The following TAFA1 variants were observed in gnomAD, a reference collection of about 807,000 sequenced individuals.
The protein encoded by TAFA1 is TAFA chemokine like family member 1.
In TAFA1, 4 loss-of-function variants were observed where a neutral mutation model predicts 18.5. That is an observed-to-expected ratio of 0.22 (90% CI 0.11 to 0.49). The LOEUF (loss-of-function observed/expected upper bound fraction) is 0.49, where lower values mean the gene tolerates loss of function less well. Ranked by LOEUF, TAFA1 falls within the 20% of genes least tolerant of loss-of-function variation. The probability of loss-of-function intolerance (pLI) is 0.98; values close to 1 mark genes in which losing one functional copy is unlikely to be tolerated. For synonymous variants in TAFA1, 56 were observed against 55.2 expected, an observed-to-expected ratio of 1.01 and a Z score of -0.06; for missense variants, 147 against 169.0, an observed-to-expected ratio of 0.87 and a Z score of 0.72.
intron 2 of TAFA1, among the ~76,000 whole-genome samples, chr3:68,044,629 A>T (rs1384418268): frequency 6.6e-6 from 1 of 152,238 alleles, no homozygotes; most frequent in African/African-American, 2.4e-5. Flanking sequence ...TTACATTGAT[A>T]TATTGACATT....
At position 68,039,134 on chromosome 3, in the gene TAFA1, G is replaced by C. The variant is rs937243183; in HGVS notation, c.118+32390G>C. On this transcript the variant is annotated intron_variant, in intron 2 of 4. Coordinates refer to ENST00000478136, the MANE Select transcript of TAFA1 (RefSeq NM_213609.4). Reference sequence around the variant, plus strand: ...CAGCACTAGTTGATTGATGGCTACTGTTTTGTTTGTATTAATTGCATAGTT... The same window carrying C: ...CAGCACTAGTTGATTGATGGCTACTCTTTTGTTTGTATTAATTGCATAGTT... Among the ~76,000 whole-genome samples, 2 of 152,098 alleles carry C rather than the reference G, an allele frequency of 1.3e-5. 1 individual carries two copies. Among genetic ancestry groups the C allele is most frequent in the South Asian group, 4.1e-4 (2 of 4,828 alleles).
intron 2 of TAFA1, among the ~76,000 whole-genome samples, chr3:68,258,737 C>T (rs191194716): frequency 3.3e-5 from 5 of 152,290 alleles, no homozygotes; most frequent in South Asian, 2.1e-4. Flanking sequence ...TTACTGGGTA[C>T]TTGTTGGAGT....
intron 2 of TAFA1, among the ~76,000 whole-genome samples, chr3:68,220,838 A>G (rs1192471693): frequency 6.6e-6 from 1 of 152,044 alleles, no homozygotes; most frequent in Non-Finnish European, 1.5e-5. Context: ...TCTTGAGTAG[A>G]TCTCTTTCAG....
In TAFA1 at chr3:68,404,060, CTGTG is replaced by C. The variant is rs2070547032; in HGVS notation, c.119-13218_119-13215del. ...TCCCACACTCTTCCAAGTGCTTTCC[CTGTG>C]TTTACTCATTCATCCTCACAACAAC... On this transcript the variant is annotated intron_variant, in intron 2 of 4. Coordinates refer to ENST00000478136, the MANE Select transcript of TAFA1 (RefSeq NM_213609.4). Among the ~76,000 whole-genome samples the C allele has an allele frequency of 2.6e-5, 4 of 152,310 alleles. No individual in the cohort carries two copies. In the South Asian group the frequency reaches 8.3e-4, roughly 32 times the overall value.
At chr3:68,334,196 G>C (rs574901323) in intron 2 of TAFA1, among the ~76,000 whole-genome samples, 4 of 152,296 alleles carry the variant, frequency 2.6e-5, no homozygotes, top group African/African-American at 9.6e-5. Context: ...TAATCAGCTT[G>C]ATTGTGGTAA....
intron 3 of TAFA1, among the ~76,000 whole-genome samples, chr3:68,489,659 G>T (rs1204816886): frequency 1.1e-4 from 17 of 152,116 alleles, no homozygotes; most frequent in Admixed American, 1.0e-3. Flanking sequence ...CTACAAAAGC[G>T]ATGATAAGTA....
intron 2 of TAFA1, among the ~76,000 whole-genome samples, chr3:68,396,473 A>G (rs1156349396): frequency 6.6e-6 from 1 of 152,184 alleles, no homozygotes; most frequent in Non-Finnish European, 1.5e-5. Context: ...AGAACCTTTT[A>G]TTTAAATGGA....
intron 3 of TAFA1, among the ~76,000 whole-genome samples, chr3:68,537,939 T>C (rs983940350): frequency 2.0e-5 from 3 of 152,148 alleles, no homozygotes; most frequent in African/African-American, 7.2e-5. Flanking sequence ...CCTGGAGTTA[T>C]CACTCAAATT....
chr3:68,435,050 T>G (rs2106848171), intron 3 of TAFA1, among the ~76,000 whole-genome samples: 1 of 152,230 alleles, frequency 6.6e-6, no homozygotes, highest in Non-Finnish European at 1.5e-5. Context: ...GTGTGATGTG[T>G]GCTCTGATGG....
At chr3:67,993,913 G>A in the TAFA1 span, among the ~76,000 whole-genome samples, 21 of 152,108 alleles carry the variant, frequency 1.4e-4, no homozygotes, top group Middle Eastern at 3.4e-3. Context: ...TCAAGGGGAG[G>A]GGGGAGCACT....
intron 2 of TAFA1, among the ~76,000 whole-genome samples, chr3:68,359,147 T>A (rs1400255803): frequency 1.3e-5 from 2 of 152,042 alleles, no homozygotes; most frequent in Admixed American, 6.6e-5. Flanking sequence ...TTTCCTTTTT[T>A]ATTGTTCACA....
intron 2 of TAFA1, among the ~76,000 whole-genome samples, chr3:68,021,295 C>T (rs963492247): frequency 6.0e-5 from 9 of 149,696 alleles, no homozygotes; most frequent in Non-Finnish European, 1.2e-4. Context: ...ACCAATAACT[C>T]ATTAAAGGGA....
intron 2 of TAFA1, among the ~76,000 whole-genome samples, chr3:68,326,277 C>G (rs578254034): frequency 6.6e-6 from 1 of 152,238 alleles, no homozygotes; most frequent in East Asian, 1.9e-4. Flanking sequence ...TTCCTTGTGT[C>G]ACATATTTGA....
chr3:68,289,478 G>GT (rs11391905), intron 2 of TAFA1, among the ~76,000 whole-genome samples: 9,883 of 152,238 alleles, frequency 0.065, 512 homozygotes, highest in African/African-American at 0.14. Context: ...ATATTTTGGT[G>GT]TTAGTGTGAG....
At chr3:68,240,493 C>G (rs1274940805) in intron 2 of TAFA1, among the ~76,000 whole-genome samples, 3 of 152,100 alleles carry the variant, frequency 2.0e-5, no homozygotes, top group African/African-American at 7.2e-5. Flanking sequence ...ATAGCATAAC[C>G]CTTCCTTTTT....
chr3:68,094,117 G>A (rs1413291521), intron 2 of TAFA1, among the ~76,000 whole-genome samples: 2 of 151,892 alleles, frequency 1.3e-5, no homozygotes, highest in African/African-American at 2.4e-5. Flanking sequence ...TTAGAGTGGG[G>A]GGTGGATGCC....
At chr3:68,047,930 G>A (rs1466084066) in intron 2 of TAFA1, among the ~76,000 whole-genome samples, 6 of 152,124 alleles carry the variant, frequency 3.9e-5, no homozygotes, top group Non-Finnish European at 8.8e-5. Context: ...TATGCGAATG[G>A]ATGAAGTTGG....
intron 2 of TAFA1, among the ~76,000 whole-genome samples, chr3:68,300,890 T>A (rs2068292525): frequency 6.6e-6 from 1 of 152,168 alleles, no homozygotes; most frequent in South Asian, 2.1e-4. Flanking sequence ...ATTGTAAGTT[T>A]CTTGAGGTCT....
chr3:68,097,979 C>T (rs1260907540), intron 2 of TAFA1, among the ~76,000 whole-genome samples: 2 of 152,124 alleles, frequency 1.3e-5, no homozygotes, highest in Non-Finnish European at 1.5e-5. Flanking sequence ...CAGGTTATTC[C>T]TCCCAAGCCT....
Sources: allele counts gnomAD v4.1 joint callset (sites outside exome capture counted in the v4.1 genomes callset), GRCh38; gene constraint gnomAD v4.1.1; transcripts MANE v1.5; gene names NCBI Gene and HGNC (gene_info 2026-07-23, HGNC 2026-07-21).